Variants in HAO2 observed in about 807,000 individuals in gnomAD.
HAO2 encodes the protein hydroxyacid oxidase 2, also known as 2-Hydroxyacid oxidase 2.
In HAO2, 42 loss-of-function variants were observed where a neutral mutation model predicts 37.4. The observed-to-expected ratio is 1.12, with a 90% CI of 0.88 to 1.45. The LOEUF is 1.45. Ranked by LOEUF, HAO2 falls within the 40% of genes most tolerant of loss-of-function variation. HAO2 has a pLI of 0.00. For synonymous variants in HAO2, 180 were observed against 162.8 expected, an observed-to-expected ratio of 1.11 and a Z score of -0.81; for missense variants, 476 against 430.2, an observed-to-expected ratio of 1.11 and a Z score of -0.94.
chr1:119,383,531 C>T (rs1357400368), intron 3 of HAO2, among the ~76,000 whole-genome samples: 1 of 152,154 alleles, frequency 6.6e-6, no homozygotes, highest in African/African-American at 2.4e-5. Context: ...CCCAACTATT[C>T]CATTTTCCTT....
In HAO2 at chr1:119,387,715, C is replaced by T. The variant is rs74637152; in HGVS notation, c.771+884C>T. Among the ~76,000 whole-genome samples, 131 of 152,274 alleles carry T rather than the reference C, an allele frequency of 8.6e-4. No homozygotes were observed. The East Asian group carries it at 0.025, about 28-fold the overall frequency. On this transcript the variant is annotated intron_variant, in intron 5 of 7. Coordinates refer to ENST00000325945, the MANE Select transcript of HAO2 (RefSeq NM_016527.4). ...TTTTTGTTTCAGTATATATGCTCCT[C>T]TTATTTTTAATGGTATGTAGTATGA...
intron 1 of HAO2, among the ~76,000 whole-genome samples, chr1:119,375,002 G>T (rs753869787): frequency 1.3e-5 from 2 of 152,010 alleles, no homozygotes; most frequent in Non-Finnish European, 2.9e-5. Flanking sequence ...TGTTTTATCA[G>T]ACAAAAAGCC....
intron 1 of HAO2, among the ~76,000 whole-genome samples, chr1:119,377,445 C>T (rs1281438127): frequency 6.6e-6 from 1 of 152,220 alleles, no homozygotes; most frequent in African/African-American, 2.4e-5. Flanking sequence ...AAGTTCCAAA[C>T]TTTCCCACAT....
chr1:119,374,467 A>G (rs1649282573), intron 1 of HAO2, among the ~76,000 whole-genome samples: 1 of 152,190 alleles, frequency 6.6e-6, no homozygotes, highest in Admixed American at 6.5e-5. Context: ...TAATCTCTCA[A>G]ACTAGGCCCG....
At chr1:119,382,780 C>T (rs1341007) in intron 2 of HAO2, 135 bp from the exon 3 acceptor site, 350,350 of 745,852 alleles carry the variant, frequency 0.47, 87,136 homozygotes, top group Admixed American at 0.53. Context: ...TCTCAGCCAA[C>T]TGAACCCACC....
rs1650961478 is a variant in HAO2, at chr1:119,392,147, G to C, written c.809G>C (p.Gly270Ala). The C allele has an allele frequency of 6.2e-7, 1 of 1,613,180 alleles. No individual in the cohort carries two copies. Among genetic ancestry groups the C allele is most frequent in the African/African-American group, 1.3e-5 (1 of 74,860 alleles). ...ACAGAAGTGGTGGCTGCTGTAAAGG[G>C]GAAAATTGAAGTCTACCTGGATGGC... ...ALTEVVAAVK[G>A]KIEVYLDGGV... Residue 270 changes from glycine to alanine, a missense_variant, in exon 6 of 8, where the codon GGG becomes GCG. By Grantham distance (60) the Gly-to-Ala change is moderately conservative (BLOSUM62 0). Coordinates refer to ENST00000325945, the MANE Select transcript of HAO2 (RefSeq NM_016527.4).
intron 1 of HAO2, among the ~76,000 whole-genome samples, chr1:119,379,638 C>A (rs587647417): frequency 1.3e-5 from 2 of 152,152 alleles, no homozygotes; most frequent in South Asian, 4.1e-4. Context: ...TCAATGTTCT[C>A]TCCTCACTCA....
chr1:119,390,583 A>T (rs1024337883), intron 5 of HAO2, among the ~76,000 whole-genome samples: 8 of 152,328 alleles, frequency 5.3e-5, no homozygotes, highest in African/African-American at 1.9e-4. Flanking sequence ...AGAGAAATAC[A>T]TTTGTACAAA....
At chr1:119,373,516 A>G (rs1649200376) in intron 1 of HAO2, among the ~76,000 whole-genome samples, 1 of 152,120 alleles carries the variant, frequency 6.6e-6, no homozygotes, top group African/African-American at 2.4e-5. Flanking sequence ...TTATTCTCAT[A>G]GTCTTCCAAT....
intron 3 of HAO2, among the ~76,000 whole-genome samples, chr1:119,383,752 A>G (rs1453408592): frequency 6.6e-6 from 1 of 152,038 alleles, no homozygotes; most frequent in Non-Finnish European, 1.5e-5. Flanking sequence ...TCTAAGTCAC[A>G]TCTGTTTTTG....
At chr1:119,375,867 G>A (rs1380648514) in intron 1 of HAO2, among the ~76,000 whole-genome samples, 11 of 151,962 alleles carry the variant, frequency 7.2e-5, no homozygotes, top group Non-Finnish European at 7.4e-5. Flanking sequence ...GGTGAAACCC[G>A]CTCCCCCATG....
At chr1:119,392,022 A>G (rs1650952250) in intron 5 of HAO2, 88 bp from the exon 6 acceptor site, 3 of 1,193,238 alleles carry the variant, frequency 2.5e-6, no homozygotes, top group Non-Finnish European at 3.6e-6. Flanking sequence ...GCGTCTCCTC[A>G]GCTTGGTTTT....
chr1:119,382,849 C>G, intron 2 of HAO2, 66 bp from the exon 3 acceptor site: 2 of 1,494,942 alleles, frequency 1.3e-6, no homozygotes, highest in Non-Finnish European at 1.8e-6. Flanking sequence ...GGGGTCCACC[C>G]CAGACAACGC....
intron 7 of HAO2, 56 bp from the exon 8 acceptor site, chr1:119,393,729 G>A (rs944367049): frequency 7.0e-7 from 1 of 1,430,244 alleles, no homozygotes; most frequent in African/African-American, 1.4e-5. Flanking sequence ...TACCCATGAT[G>A]AGGTGAGTTG....
At chr1:119,391,983 A>G (rs1650948787) in intron 5 of HAO2, 127 bp from the exon 6 acceptor site, 2 of 763,978 alleles carry the variant, frequency 2.6e-6, no homozygotes, top group East Asian at 2.6e-5. Flanking sequence ...TAGCAGCCTC[A>G]AGCATGGGAG....
chr1:119,375,668 T>C (rs1649396765), intron 1 of HAO2, among the ~76,000 whole-genome samples: 1 of 151,922 alleles, frequency 6.6e-6, no homozygotes, highest in Non-Finnish European at 1.5e-5. Context: ...GGGTAACTTA[T>C]AAAGAAAAAA....
In HAO2 at chr1:119,393,776, T is replaced by C. The variant is rs1428589450; in HGVS notation, c.1001-9T>C. ...CAAAAATGAGCTTGTAACCACATTG[T>C]TCTTTTAGGCTGCCGGTCGGTCGCT... On this transcript the variant is annotated splice_polypyrimidine_tract_variant and intron_variant, in intron 7 of 7. Coordinates refer to ENST00000325945, the MANE Select transcript of HAO2 (RefSeq NM_016527.4). 4 of 1,612,956 alleles carry C rather than the reference T, an allele frequency of 2.5e-6. No homozygotes were observed. The highest frequency in any genetic ancestry group is 3.4e-6 in the Non-Finnish European group (4 of 1,179,160).
chr1:119,389,738 T>C (rs1650723215), intron 5 of HAO2, among the ~76,000 whole-genome samples: 1 of 152,056 alleles, frequency 6.6e-6, no homozygotes, highest in Non-Finnish European at 1.5e-5. Flanking sequence ...ACTCTGTGGG[T>C]TGTCTGTTTA....
chr1:119,376,673 C>A (rs922025107), intron 1 of HAO2, among the ~76,000 whole-genome samples: 1 of 152,206 alleles, frequency 6.6e-6, no homozygotes, highest in African/African-American at 2.4e-5. Flanking sequence ...TCTATACATC[C>A]TCTGAAATCT....
Sources: allele counts gnomAD v4.1 joint callset (sites outside exome capture counted in the v4.1 genomes callset), GRCh38; gene constraint gnomAD v4.1.1; transcripts MANE v1.5; gene names NCBI Gene and HGNC (gene_info 2026-07-23, HGNC 2026-07-21).